Variants in OSBPL9 observed in about 807,000 individuals in gnomAD.
OSBPL9 encodes the protein oxysterol binding protein like 9, also known as oxysterol-binding protein-related protein 9.
In OSBPL9, 40 loss-of-function variants were observed where a neutral mutation model predicts 106.6. The observed-to-expected ratio is 0.38, with a 90% confidence interval of 0.29 to 0.49. OSBPL9 has a LOEUF of 0.49. OSBPL9 is among the 20% of genes least tolerant of loss of function. The probability of loss-of-function intolerance (pLI) is 0.97; values close to 1 mark genes in which losing one functional copy is unlikely to be tolerated. For missense variants in OSBPL9, 609 were observed against 887.2 expected (o/e 0.69, Z 3.98); for synonymous variants, 269 against 295.4 (o/e 0.91, Z 0.92).
Position 51,787,762 on chromosome 1 carries a change from G to A in OSBPL9, c.2184G>A (p.Leu728=), listed in dbSNP as rs749435342. ...GCTGGGTTTATGATGAACCATTACTGAAACGTCTTGGTGCTGCCAAGCATT... is the reference window on the plus strand; with the variant it reads ...GCTGGGTTTATGATGAACCATTACTAAAACGTCTTGGTGCTGCCAAGCATT... The part of the protein sequence containing the change: ...GECWVYDEPL[L]KRLGAAKH The change falls in exon 24 of 24, where the codon CTG becomes CTA. Residue 728 remains leucine (L), a synonymous_variant. Coordinates refer to ENST00000428468, the MANE Select transcript of OSBPL9 (RefSeq NM_024586.6). 1 of 1,613,448 alleles carries A rather than the reference G, an allele frequency of 6.2e-7. No homozygotes were observed. Among genetic ancestry groups the A allele is most frequent in the Non-Finnish European group, 8.5e-7 (1 of 1,179,646 alleles).
chr1:51,661,345 C>T (rs922139474), intron 2 of OSBPL9, among the ~76,000 whole-genome samples: 4 of 152,024 alleles, frequency 2.6e-5, no homozygotes, highest in Admixed American at 6.6e-5. Context: ...TACCCCAAGC[C>T]GTGAGAGCAA....
At chr1:51,560,266 G>A in the OSBPL9 span, among the ~76,000 whole-genome samples, 1 of 152,202 alleles carries the variant, frequency 6.6e-6, no homozygotes, top group East Asian at 1.9e-4. Flanking sequence ...TACAGTGGGT[G>A]TAATCAATAC....
intron 2 of OSBPL9, among the ~76,000 whole-genome samples, chr1:51,652,623 A>G (rs1205534287): frequency 6.6e-6 from 1 of 152,210 alleles, no homozygotes; most frequent in Non-Finnish European, 1.5e-5. Flanking sequence ...ATATTTTACA[A>G]TCTTTCTTTC....
At chr1:51,740,246 C>T in intron 4 of OSBPL9, 3 of 1,480,378 alleles carry the variant, frequency 2.0e-6, no homozygotes, top group Non-Finnish European at 1.8e-6. Context: ...CTCTATACTT[C>T]TTTCATTGGA....
chr1:51,764,082 A>G (rs555366710), intron 11 of OSBPL9, among the ~76,000 whole-genome samples: 12 of 152,290 alleles, frequency 7.9e-5, no homozygotes, highest in African/African-American at 2.9e-4. Flanking sequence ...TTTATATCTT[A>G]TTTGATTTTT....
intron 2 of OSBPL9, among the ~76,000 whole-genome samples, chr1:51,605,349 G>C (rs1331776815): frequency 2.6e-5 from 4 of 152,208 alleles, no homozygotes; most frequent in Non-Finnish European, 4.4e-5. Flanking sequence ...CCAGCACTTA[G>C]GGAGGCAGAG....
chr1:51,597,405 G>T (rs1205667285), intron 1 of OSBPL9, among the ~76,000 whole-genome samples: 1 of 84,202 alleles, frequency 1.2e-5, no homozygotes, highest in Non-Finnish European at 2.8e-5. Context: ...TGGAATATAT[G>T]TGTGTATATA....
chr1:51,520,941 A>G, the OSBPL9 span, among the ~76,000 whole-genome samples: 6 of 152,212 alleles, frequency 3.9e-5, no homozygotes, highest in African/African-American at 1.4e-4. Flanking sequence ...ACTGTTTTAC[A>G]TTACTTCACT....
the OSBPL9 span, chr1:51,569,595 AG>A: frequency 6.6e-6 from 1 of 152,320 alleles, no homozygotes. Flanking sequence ...CTCCTGGTTC[AG>A]GGTGGCAGGA....
chr1:51,699,597 T>C (rs1220306595), intron 3 of OSBPL9, among the ~76,000 whole-genome samples: 2 of 152,218 alleles, frequency 1.3e-5, no homozygotes, highest in African/African-American at 2.4e-5. Flanking sequence ...CCTGTCATTC[T>C]TTAAGTATTT....
At chr1:51,773,143 T>G (rs949917555) in intron 14 of OSBPL9, among the ~76,000 whole-genome samples, 6 of 152,182 alleles carry the variant, frequency 3.9e-5, no homozygotes, top group African/African-American at 1.4e-4. Context: ...AGGTAGTAAA[T>G]GTAAAATTGT....
Position 51,776,948 on chromosome 1 carries a change from G to A in OSBPL9, c.1256+30G>A, listed in dbSNP as rs186168732. 1.3e-5 allele frequency: 20 copies of A among 1,494,908 alleles called. No individual in the cohort carries two copies. The East Asian group carries it at 1.4e-4, about 10-fold the overall frequency. The allele number at this position is 1,494,908 out of a possible 1,614,324, so 92.6% of individuals were successfully genotyped here. A position where few individuals can be genotyped will look rare whatever the true frequency, so the allele number is the denominator to read the frequency against. ...TTGACTGAACATGGTAGTTTCCAAC[G>A]TTTACAGATGTTACTCAGCAGCTTT... On this transcript the variant is annotated intron_variant, in intron 15 of 23. Coordinates refer to ENST00000428468, the MANE Select transcript of OSBPL9 (RefSeq NM_024586.6).
At chr1:51,617,650 G>T (rs1644145031) in intron 1 of OSBPL9, among the ~76,000 whole-genome samples, 1 of 152,144 alleles carries the variant, frequency 6.6e-6, no homozygotes, top group African/African-American at 2.4e-5. Flanking sequence ...TCCCTCCAGG[G>T]ATTGAAGAGC....
chr1:51,651,869 G>T, intron 1 of OSBPL9, 122 bp from the exon 2 acceptor site: 1 of 693,332 alleles, frequency 1.4e-6, no homozygotes. Flanking sequence ...CTTTTTGGAA[G>T]AGAAATTGGC....
At chr1:51,564,293 T>C in the OSBPL9 span, among the ~76,000 whole-genome samples, 6 of 152,066 alleles carry the variant, frequency 3.9e-5, no homozygotes, top group Admixed American at 3.9e-4. Context: ...CCTTGAGTTC[T>C]TTAAGCTTAA....
intron 2 of OSBPL9, among the ~76,000 whole-genome samples, chr1:51,657,720 G>A (rs1438450808): frequency 2.0e-5 from 3 of 152,142 alleles, no homozygotes; most frequent in African/African-American, 7.2e-5. Flanking sequence ...GAGTCCTGTG[G>A]TCTGATCCTC....
At chr1:51,683,507 T>C (rs1375557342) in intron 3 of OSBPL9, among the ~76,000 whole-genome samples, 27 of 151,374 alleles carry the variant, frequency 1.8e-4, no homozygotes, top group Admixed American at 1.7e-3. Flanking sequence ...AAGAAGGAAA[T>C]CTTCGCTGGG....
chr1:51,660,714 G>T lies in OSBPL9; in HGVS notation c.162+8673G>T, dbSNP rs569835735. Among the ~76,000 whole-genome samples, 6 of 152,302 alleles carry T rather than the reference G, an allele frequency of 3.9e-5. No individual in the cohort carries two copies. The South Asian group carries it at 1.0e-3, about 26-fold the overall frequency. ...GGTCCTCCATGCAGCGTCTTCTTTA[G>T]TGAGCAGGTTGAACTGCAAGCCATT... On this transcript the variant is annotated intron_variant, in intron 2 of 23. Coordinates refer to ENST00000428468, the MANE Select transcript of OSBPL9 (RefSeq NM_024586.6).
At chr1:51,663,114 T>C (rs557200476) in intron 2 of OSBPL9, among the ~76,000 whole-genome samples, 1 of 152,186 alleles carries the variant, frequency 6.6e-6, no homozygotes, top group East Asian at 1.9e-4. Context: ...AGAACATTTA[T>C]AATAGCATCA....
Sources: allele counts gnomAD v4.1 joint callset (sites outside exome capture counted in the v4.1 genomes callset), GRCh38; gene constraint gnomAD v4.1.1; transcripts MANE v1.5; gene names NCBI Gene and HGNC (gene_info 2026-07-23, HGNC 2026-07-21).